IL1RAPL1: variants seen among roughly 807,000 people sequenced by gnomAD.
IL1RAPL1 encodes the protein interleukin 1 receptor accessory protein like 1.
IL1RAPL1 carries 3 observed loss-of-function variants against 48.4 expected under a neutral mutation model. The observed-to-expected ratio is 0.06, with a 90% CI of 0.03 to 0.16. IL1RAPL1 has a LOEUF of 0.16. IL1RAPL1 is among the 10% of genes least tolerant of loss of function. The pLI is 1.00. For synonymous variants in IL1RAPL1, 185 were observed against 187.7 expected (o/e 0.99, Z 0.12); for missense variants, 349 against 530.6 (o/e 0.66, Z 3.36).
chrX:28,895,196 T>A (rs2147322388), intron 2 of IL1RAPL1, among the ~76,000 whole-genome samples: 1 of 110,864 alleles, frequency 9.0e-6, no homozygotes, highest in Non-Finnish European at 1.9e-5. Context: ...CAAAACAATT[T>A]GGTTGATAAG....
chrX:29,192,764 C>T (rs184495766), intron 2 of IL1RAPL1, among the ~76,000 whole-genome samples: 37 of 111,533 alleles, frequency 3.3e-4, no homozygotes, highest in African/African-American at 1.1e-3. Context: ...AATCTATTTT[C>T]TTTGACTGTT....
At chrX:28,961,205 T>C (rs1924767873) in intron 2 of IL1RAPL1, among the ~76,000 whole-genome samples, 1 of 110,626 alleles carries the variant, frequency 9.0e-6, no homozygotes, top group South Asian at 3.8e-4. Flanking sequence ...TTTGATACTG[T>C]TGTTGCTCTG....
chrX:28,733,899 A>G (rs189026515), intron 1 of IL1RAPL1, among the ~76,000 whole-genome samples: 11 of 112,045 alleles, frequency 9.8e-5, no homozygotes, highest in African/African-American at 3.6e-4. Context: ...ATATGTCCAA[A>G]GGCTATAGAG....
chrX:28,852,494 T>G (rs1336972785), intron 2 of IL1RAPL1, among the ~76,000 whole-genome samples: 1 of 111,550 alleles, frequency 9.0e-6, no homozygotes, highest in East Asian at 2.8e-4. Flanking sequence ...ATAATTTGCT[T>G]CTTTCAACAT....
chrX:29,220,665 G>C (rs1356848433), intron 2 of IL1RAPL1, among the ~76,000 whole-genome samples: 1 of 111,960 alleles, frequency 8.9e-6, no homozygotes, highest in African/African-American at 3.2e-5. Context: ...TGGAAGAGCA[G>C]AAAATCTAAC....
chrX:28,874,255 T>C (rs1468635545), intron 2 of IL1RAPL1, among the ~76,000 whole-genome samples: 1 of 112,201 alleles, frequency 8.9e-6, no homozygotes, highest in Admixed American at 9.5e-5. Context: ...CAATGAAATA[T>C]GGAAAGTGTT....
intron 5 of IL1RAPL1, among the ~76,000 whole-genome samples, chrX:29,571,466 C>A (rs1487533708): frequency 9.0e-6 from 1 of 110,957 alleles, no homozygotes; most frequent in Non-Finnish European, 1.9e-5. Context: ...CCTGAAGAAA[C>A]CTGAGAACAT....
At chrX:29,550,252 C>T (rs112207706) in intron 5 of IL1RAPL1, among the ~76,000 whole-genome samples, 25 of 110,644 alleles carry the variant, frequency 2.3e-4, no homozygotes, top group Non-Finnish European at 4.2e-4. Flanking sequence ...AGTGCAGTGG[C>T]GGGATCTCGG....
chrX:29,602,275 G>A lies in IL1RAPL1; in HGVS notation c.704-66155G>A, dbSNP rs141782998. ...TGGGATTACAGGTGCAATCCATTGC[G>A]CGTGGCCTATTCTTAATAAGAGGTT... On this transcript the variant is annotated intron_variant, in intron 5 of 10. Transcript: ENST00000378993. 2.3e-3 allele frequency among the ~76,000 whole-genome samples: 252 copies of A among 111,292 alleles called. 6 individuals are homozygous for A. The highest frequency in any genetic ancestry group is 7.0e-3 in the African/African-American group (213 of 30,420).
chrX:29,802,941 ATG>A lies in IL1RAPL1; in HGVS notation c.779-114521_779-114520del, dbSNP rs1289849629. On this transcript the variant is annotated intron_variant, in intron 6 of 10. Transcript: ENST00000378993. ...TACATATATACATATATGTGTACAT[ATG>A]TATGCATATATGTATACATGTGTAC... 5.6e-3 allele frequency among the ~76,000 whole-genome samples: 421 copies of A among 75,082 alleles called. 14 individuals are homozygous for A. Among genetic ancestry groups the A allele is most frequent in the Non-Finnish European group, 6.3e-3 (254 of 40,187 alleles). The allele number at this position is 75,082 out of a possible 115,157, so 65.2% of individuals were successfully genotyped here.
chrX:29,446,768 G>T (rs1027304927), intron 5 of IL1RAPL1, among the ~76,000 whole-genome samples: 1 of 111,364 alleles, frequency 9.0e-6, no homozygotes, highest in African/African-American at 3.3e-5. Flanking sequence ...TTGTGTAGCC[G>T]TTTCCTCAAG....
At chrX:28,894,654 T>C (rs1922860170) in intron 2 of IL1RAPL1, among the ~76,000 whole-genome samples, 2 of 110,037 alleles carry the variant, frequency 1.8e-5, no homozygotes, top group African/African-American at 6.6e-5. Flanking sequence ...GAGTTGAGCA[T>C]AGTTTGTGAT....
intron 2 of IL1RAPL1, among the ~76,000 whole-genome samples, chrX:28,883,682 G>C (rs920126164): frequency 7.2e-5 from 8 of 111,642 alleles, no homozygotes; most frequent in African/African-American, 2.6e-4. Flanking sequence ...TTTTAGAAAA[G>C]ATCCTTTAAA....
At chrX:29,899,299 A>C (rs1932452553) in intron 6 of IL1RAPL1, among the ~76,000 whole-genome samples, 2 of 111,313 alleles carry the variant, frequency 1.8e-5, no homozygotes, top group Admixed American at 1.9e-4. Context: ...GAGACAATTC[A>C]AATACTTTTA....
chrX:29,680,346 A>G (rs1244761045), intron 6 of IL1RAPL1, among the ~76,000 whole-genome samples: 2 of 111,644 alleles, frequency 1.8e-5, no homozygotes, highest in African/African-American at 6.5e-5. Context: ...TCTAACCAGG[A>G]GGAAATGTGG....
chrX:29,719,963 T>TTAATAA (rs1927592276), intron 6 of IL1RAPL1, among the ~76,000 whole-genome samples: 1 of 111,130 alleles, frequency 9.0e-6, no homozygotes, highest in Non-Finnish European at 1.9e-5. Context: ...GAAAACTATG[T>TTAATAA]GAATAAGAAT....
intron 1 of IL1RAPL1, among the ~76,000 whole-genome samples, chrX:28,767,912 G>C (rs1212892509): frequency 9.0e-6 from 1 of 111,719 alleles, no homozygotes; most frequent in African/African-American, 3.2e-5. Flanking sequence ...TTTAAATTCA[G>C]AGTAACCTTG....
At chrX:29,402,372 G>A (rs1194860162) in intron 5 of IL1RAPL1, among the ~76,000 whole-genome samples, 1 of 111,438 alleles carries the variant, frequency 9.0e-6, no homozygotes, top group Non-Finnish European at 1.9e-5. Flanking sequence ...TGCATCCACA[G>A]CACTTTTAGC....
intron 5 of IL1RAPL1, among the ~76,000 whole-genome samples, chrX:29,606,927 G>A (rs146826454): frequency 9.0e-6 from 1 of 111,194 alleles, no homozygotes; most frequent in Non-Finnish European, 1.9e-5. Flanking sequence ...ACCTATAAGG[G>A]GTAGTATTTT....
Sources: gnomAD v4.1 joint callset for allele counts (sites outside exome capture counted in the v4.1 genomes callset) on GRCh38, gnomAD v4.1.1 for gene constraint, MANE v1.5 for transcripts, NCBI Gene and HGNC (gene_info 2026-07-23, HGNC 2026-07-21) for gene names.